The following ATRNL1 variants were observed in gnomAD, a reference collection of about 807,000 sequenced individuals.
ATRNL1 encodes attractin-like protein 1.
Under a neutral mutation model 182.7 loss-of-function variants are expected in ATRNL1, and 95 were observed. The observed-to-expected ratio is 0.52, with a 90% CI of 0.44 to 0.62. The LOEUF is 0.62. ATRNL1 is among the 20% of genes least tolerant of loss of function. ATRNL1 has a pLI of 0.00. For synonymous variants in ATRNL1, 576 were observed against 568.3 expected (o/e 1.01, Z -0.19); for missense variants, 1,471 against 1,679.5 (o/e 0.88, Z 2.17).
At chr10:115,177,377 G>A (rs1051976040) in intron 8 of ATRNL1, among the ~76,000 whole-genome samples, 23 of 152,144 alleles carry the variant, frequency 1.5e-4, no homozygotes, top group African/African-American at 5.5e-4. Context: ...CACAAAGTGA[G>A]CAGAAACTGG....
intron 16 of ATRNL1, 65 bp downstream of exon 16, chr10:115,300,312 C>A: frequency 7.6e-7 from 1 of 1,308,070 alleles, no homozygotes; most frequent in Non-Finnish European, 1.1e-6. Flanking sequence ...CTCATTCCTT[C>A]CTTCTAGGGT....
chr10:115,475,559 A>G (rs1190516998), intron 24 of ATRNL1, among the ~76,000 whole-genome samples: 2 of 151,278 alleles, frequency 1.3e-5, no homozygotes, highest in South Asian at 2.1e-4. Flanking sequence ...TGTCTTTCCC[A>G]TATTTGTGGT....
chr10:115,620,048 T>A (rs139521774), intron 26 of ATRNL1, among the ~76,000 whole-genome samples: 43 of 152,298 alleles, frequency 2.8e-4, no homozygotes, highest in African/African-American at 9.1e-4. Context: ...TAAGGCTGGA[T>A]AACTTATAAA....
chr10:115,730,604 A>C (rs1947767442), intron 27 of ATRNL1, among the ~76,000 whole-genome samples: 1 of 152,146 alleles, frequency 6.6e-6, no homozygotes, highest in Non-Finnish European at 1.5e-5. Context: ...AATAAAAGAT[A>C]CACGTAAATT....
intron 20 of ATRNL1, among the ~76,000 whole-genome samples, chr10:115,420,598 G>T (rs1257992735): frequency 6.6e-6 from 1 of 151,952 alleles, no homozygotes; most frequent in Non-Finnish European, 1.5e-5. Context: ...TCACCTATTT[G>T]AAAAAGTAGA....
chr10:115,631,111 G>A (rs113168942), intron 26 of ATRNL1, among the ~76,000 whole-genome samples: 199 of 152,016 alleles, frequency 1.3e-3, no homozygotes, highest in African/African-American at 4.3e-3. Flanking sequence ...ATGGTACAAC[G>A]TTTCATATAC....
intron 27 of ATRNL1, among the ~76,000 whole-genome samples, chr10:115,828,550 C>G (rs2134304031): frequency 6.6e-6 from 1 of 152,312 alleles, no homozygotes; most frequent in East Asian, 1.9e-4. Context: ...GTTTGCTTCT[C>G]ACTCTGGTAC....
intron 21 of ATRNL1, among the ~76,000 whole-genome samples, chr10:115,452,684 T>G (rs1241252663): frequency 2.0e-5 from 3 of 152,144 alleles, no homozygotes; most frequent in African/African-American, 7.2e-5. Context: ...GTTATTTAAT[T>G]AATTTTCTTA....
intron 25 of ATRNL1, among the ~76,000 whole-genome samples, chr10:115,538,146 T>A (rs1288560220): frequency 6.6e-6 from 1 of 152,262 alleles, no homozygotes; most frequent in African/African-American, 2.4e-5. Flanking sequence ...TTATAAATAA[T>A]GCTGCTGTGA....
chr10:115,719,771 T>G (rs1169138354), intron 26 of ATRNL1, among the ~76,000 whole-genome samples: 1 of 152,096 alleles, frequency 6.6e-6, no homozygotes, highest in African/African-American at 2.4e-5. Context: ...ACTGATTTGA[T>G]TAACAACTTT....
At chr10:115,620,781 C>G (rs77971044) in intron 26 of ATRNL1, among the ~76,000 whole-genome samples, 4 of 152,162 alleles carry the variant, frequency 2.6e-5, no homozygotes, top group African/African-American at 9.6e-5. Context: ...CAACATACTA[C>G]GTGTGTAAAC....
chr10:115,508,054 A>T (rs782330015), intron 24 of ATRNL1, among the ~76,000 whole-genome samples: 28 of 151,892 alleles, frequency 1.8e-4, no homozygotes, highest in Non-Finnish European at 3.4e-4. Flanking sequence ...TGTTCGTGCA[A>T]TTTTTCCAAT....
chr10:115,298,580 GTTA>G (rs1554923430), intron 15 of ATRNL1, among the ~76,000 whole-genome samples: 1 of 152,024 alleles, frequency 6.6e-6, no homozygotes, highest in Non-Finnish European at 1.5e-5. Flanking sequence ...GACTCCTGCT[GTTA>G]TTATCAAGAG....
intron 1 of ATRNL1, chr10:115,096,759 C>G: frequency 7.9e-7 from 1 of 1,271,310 alleles, no homozygotes. Flanking sequence ...CTTCAGTTCT[C>G]TTAGCATTGA....
intron 26 of ATRNL1, among the ~76,000 whole-genome samples, chr10:115,715,186 A>G (rs1385303589): frequency 5.3e-5 from 8 of 152,220 alleles, no homozygotes; most frequent in Non-Finnish European, 1.5e-5. Flanking sequence ...TACAGAAATT[A>G]GAATTCAATA....
At chr10:115,174,921 A>G (rs886730191) in intron 8 of ATRNL1, among the ~76,000 whole-genome samples, 4 of 151,958 alleles carry the variant, frequency 2.6e-5, no homozygotes, top group African/African-American at 7.2e-5. Flanking sequence ...TATCTAGTAA[A>G]TGGCCCAAAG....
intron 26 of ATRNL1, among the ~76,000 whole-genome samples, chr10:115,644,368 A>G (rs953611429): frequency 2.6e-5 from 4 of 152,170 alleles, no homozygotes; most frequent in African/African-American, 9.7e-5. Flanking sequence ...GTGTGTACCA[A>G]ACACTGCTGC....
intron 21 of ATRNL1, among the ~76,000 whole-genome samples, chr10:115,435,238 C>A (rs1318943860): frequency 6.6e-6 from 1 of 152,022 alleles, no homozygotes; most frequent in African/African-American, 2.4e-5. Flanking sequence ...CCAGGATGGT[C>A]TTGATCTCCT....
At chr10:115,481,755 A>C (rs1342274020) in intron 24 of ATRNL1, among the ~76,000 whole-genome samples, 2 of 150,908 alleles carry the variant, frequency 1.3e-5, no homozygotes, top group Admixed American at 6.6e-5. Context: ...CAGCTTCCTG[A>C]GGATATTTTG....
Sources: allele counts gnomAD v4.1 joint callset (sites outside exome capture counted in the v4.1 genomes callset), GRCh38; gene constraint gnomAD v4.1.1; transcripts MANE v1.5; gene names NCBI Gene and HGNC (gene_info 2026-07-23, HGNC 2026-07-21).